PVT1: variants seen among roughly 807,000 people sequenced by gnomAD.
The protein encoded by PVT1 is Pvt1 oncogene.
At chr8:127,857,510 A>C (rs1400628276) in intron 2 of PVT1, among the ~76,000 whole-genome samples, 1 of 152,074 alleles carries the variant, frequency 6.6e-6, no homozygotes, top group Non-Finnish European at 1.5e-5. Flanking sequence ...CCATCTCTAC[A>C]AAAAATAAAA....
intron 3 of PVT1, among the ~76,000 whole-genome samples, chr8:127,973,910 G>A (rs1227417757): frequency 6.6e-6 from 1 of 151,804 alleles, no homozygotes; most frequent in African/African-American, 2.4e-5. Flanking sequence ...AACCCGGGAG[G>A]AGGAGCTTGC....
chr8:127,909,095 C>T (rs1262614773), intron 3 of PVT1, among the ~76,000 whole-genome samples: 5 of 152,182 alleles, frequency 3.3e-5, no homozygotes, highest in African/African-American at 1.2e-4. Context: ...AAGGTTTGGC[C>T]CACTGTATAT....
intron 4 of PVT1, among the ~76,000 whole-genome samples, chr8:128,019,123 C>T (rs183572700): frequency 3.9e-4 from 60 of 152,326 alleles, no homozygotes; most frequent in African/African-American, 1.4e-3. Flanking sequence ...AGAGCCACTG[C>T]GTCTGGACCA....
chr8:127,824,105 C>A (rs763118277), intron 2 of PVT1, among the ~76,000 whole-genome samples: 4 of 152,218 alleles, frequency 2.6e-5, no homozygotes, highest in Non-Finnish European at 5.9e-5. Flanking sequence ...TGCTCGAGCC[C>A]AGGAGTTTGA....
At chr8:127,808,999 CA>C (rs1306010232) in intron 2 of PVT1, among the ~76,000 whole-genome samples, 3 of 128,382 alleles carry the variant, frequency 2.3e-5, no homozygotes, top group African/African-American at 6.1e-5. Context: ...CATTGTATTC[CA>C]GCCTGGGCAA....
chr8:127,927,157 ACTT>A (rs1441763104), intron 3 of PVT1, among the ~76,000 whole-genome samples: 1 of 152,138 alleles, frequency 6.6e-6, no homozygotes, highest in Non-Finnish European at 1.5e-5. Flanking sequence ...CTAACCGGGA[ACTT>A]CTTCTATGAA....
At chr8:127,839,952 C>T (rs1814954173) in intron 2 of PVT1, among the ~76,000 whole-genome samples, 1 of 152,182 alleles carries the variant, frequency 6.6e-6, no homozygotes, top group African/African-American at 2.4e-5. Flanking sequence ...ATTGGCTAAA[C>T]ACAGTTGATG....
intron 4 of PVT1, among the ~76,000 whole-genome samples, chr8:128,064,172 G>C (rs1176044484): frequency 1.3e-5 from 2 of 152,160 alleles, no homozygotes; most frequent in Admixed American, 6.5e-5. Flanking sequence ...TTCAGGCTGG[G>C]TGCCCAATGA....
chr8:127,901,896 C>T (rs1424362641), intron 3 of PVT1, among the ~76,000 whole-genome samples: 1 of 144,050 alleles, frequency 6.9e-6, no homozygotes, highest in Non-Finnish European at 1.5e-5. Flanking sequence ...GCCACTGCAC[C>T]TGGCCAAGGG....
At chr8:127,924,893 C>T (rs1314931162) in intron 3 of PVT1, among the ~76,000 whole-genome samples, 3 of 152,088 alleles carry the variant, frequency 2.0e-5, no homozygotes, top group Non-Finnish European at 4.4e-5. Context: ...AGCGATCCAC[C>T]CACCTCGGCC....
chr8:127,975,286 C>T (rs1331548279), intron 3 of PVT1, among the ~76,000 whole-genome samples: 2 of 152,126 alleles, frequency 1.3e-5, no homozygotes, highest in Admixed American at 1.3e-4. Context: ...TGTGGACATG[C>T]CAGTTTCACC....
chr8:128,012,225 C>T (rs926812148), intron 4 of PVT1, among the ~76,000 whole-genome samples: 5 of 152,130 alleles, frequency 3.3e-5, no homozygotes, highest in Non-Finnish European at 4.4e-5. Context: ...AATACATGGG[C>T]AGAGTCATTT....
intron 3 of PVT1, among the ~76,000 whole-genome samples, chr8:127,970,718 G>T (rs1429774059): frequency 1.3e-5 from 2 of 152,026 alleles, no homozygotes; most frequent in East Asian, 3.8e-4. Context: ...GTTAAATAAA[G>T]CTATGTAAGA....
intron 5 of PVT1, among the ~76,000 whole-genome samples, chr8:128,092,142 C>G (rs1814364416): frequency 6.6e-6 from 1 of 152,102 alleles, no homozygotes; most frequent in African/African-American, 2.4e-5. Flanking sequence ...TGCAAAGAAC[C>G]CTTAGGCTCA....
intron 4 of PVT1, among the ~76,000 whole-genome samples, chr8:128,055,594 T>A (rs1314701400): frequency 6.6e-6 from 1 of 152,206 alleles, no homozygotes; most frequent in Non-Finnish European, 1.5e-5. Flanking sequence ...CATAACAAAA[T>A]GTTGTGGCTT....
chr8:127,906,170 C>T (rs1260018636), intron 3 of PVT1, among the ~76,000 whole-genome samples: 1 of 152,184 alleles, frequency 6.6e-6, no homozygotes, highest in Non-Finnish European at 1.5e-5. Flanking sequence ...CCTTTCCCCA[C>T]TCTGCTTTCA....
chr8:127,893,724 C>T (rs1389756647), intron 3 of PVT1, among the ~76,000 whole-genome samples: 1 of 152,178 alleles, frequency 6.6e-6, no homozygotes, highest in African/African-American at 2.4e-5. Flanking sequence ...GGCAAACTAC[C>T]TCTGCTTTTT....
intron 2 of PVT1, among the ~76,000 whole-genome samples, chr8:127,809,044 A>AG (rs1208989832): frequency 4.6e-4 from 63 of 138,318 alleles, no homozygotes; most frequent in Non-Finnish European, 6.2e-4. Flanking sequence ...AAAAAAAAAA[A>AG]AAAAAAAAAA....
intron 3 of PVT1, among the ~76,000 whole-genome samples, chr8:127,943,797 G>C (rs1415552349): frequency 6.6e-6 from 1 of 152,198 alleles, no homozygotes; most frequent in Non-Finnish European, 1.5e-5. Context: ...AAGACAGATA[G>C]GTTGATGGAC....
Sources: gnomAD v4.1 joint callset for allele counts (sites outside exome capture counted in the v4.1 genomes callset) on GRCh38, gnomAD v4.1.1 for gene constraint, MANE v1.5 for transcripts, NCBI Gene and HGNC (gene_info 2026-07-23, HGNC 2026-07-21) for gene names.